Variants in ROBO2 observed in about 807,000 individuals in gnomAD.
ROBO2 encodes roundabout guidance receptor 2.
Under a neutral mutation model 160.8 loss-of-function variants are expected in ROBO2, and 53 were observed. The ratio of observed to expected loss-of-function variants is 0.33; its 90% CI spans 0.26 to 0.41. The LOEUF (loss-of-function observed/expected upper bound fraction) is 0.41. ROBO2 is among the 10% of genes least tolerant of loss of function. The pLI, the probability that ROBO2 is intolerant of heterozygous loss-of-function variation, is 1.00. For missense variants in ROBO2, 1,577 were observed against 1,722.4 expected, an observed-to-expected ratio of 0.92 and a Z score of 1.49; for synonymous variants, 664 against 611.7, an observed-to-expected ratio of 1.09 and a Z score of -1.26.
chr3:77,142,570 T>C (rs369708778), intron 2 of ROBO2, among the ~76,000 whole-genome samples: 65 of 152,198 alleles, frequency 4.3e-4, no homozygotes, highest in African/African-American at 1.4e-3. Flanking sequence ...TATTGGAGCC[T>C]GTTGCTTATA....
chr3:76,888,500 C>T (rs1040290096), intron 2 of ROBO2, among the ~76,000 whole-genome samples: 3 of 151,998 alleles, frequency 2.0e-5, no homozygotes, highest in Non-Finnish European at 4.4e-5. Flanking sequence ...ATATTGTACC[C>T]GTAATAGGCA....
At chr3:77,081,455 C>A (rs940681120) in intron 1 of ROBO2, among the ~76,000 whole-genome samples, 1 of 152,280 alleles carries the variant, frequency 6.6e-6, no homozygotes, top group African/African-American at 2.4e-5. Context: ...GTATTCATAA[C>A]CATCAGGCAA....
chr3:76,601,738 A>G (rs2108952693), intron 2 of ROBO2, among the ~76,000 whole-genome samples: 1 of 152,310 alleles, frequency 6.6e-6, no homozygotes, highest in African/African-American at 2.4e-5. Context: ...CATGCCCTGG[A>G]GCCATTTTCC....
intron 2 of ROBO2, among the ~76,000 whole-genome samples, chr3:76,297,847 G>T (rs1226677887): frequency 1.3e-5 from 2 of 151,964 alleles, no homozygotes; most frequent in Non-Finnish European, 2.9e-5. Context: ...TAGTGCTCTA[G>T]TTTCTCTGTG....
intron 2 of ROBO2, among the ~76,000 whole-genome samples, chr3:76,252,209 G>A (rs1460413808): frequency 1.3e-5 from 2 of 152,044 alleles, no homozygotes; most frequent in Admixed American, 6.6e-5. Context: ...TTTGTATAGT[G>A]AATATGAATG....
chr3:76,422,020 G>A (rs185543765), intron 2 of ROBO2, among the ~76,000 whole-genome samples: 2 of 152,170 alleles, frequency 1.3e-5, no homozygotes, highest in East Asian at 1.9e-4. Flanking sequence ...TAAATCGTAG[G>A]TTCTTAGTAA....
intron 2 of ROBO2, among the ~76,000 whole-genome samples, chr3:77,367,039 T>C (rs1350505552): frequency 6.6e-6 from 1 of 152,140 alleles, no homozygotes; most frequent in African/African-American, 2.4e-5. Flanking sequence ...CATTGCACTG[T>C]AAGTTGTATT....
At chr3:76,469,920 C>T (rs2078566581) in intron 2 of ROBO2, among the ~76,000 whole-genome samples, 1 of 152,042 alleles carries the variant, frequency 6.6e-6, no homozygotes, top group Non-Finnish European at 1.5e-5. Flanking sequence ...TATCAGGATT[C>T]AATACACATC....
chr3:76,949,677 A>G lies in ROBO2; in HGVS notation c.110-148337A>G, dbSNP rs369632226. 2.2e-4 allele frequency among the ~76,000 whole-genome samples: 33 copies of G among 152,290 alleles called. No homozygotes were observed. The East Asian group carries it at 6.4e-3, about 29-fold the overall frequency. On this transcript the variant is annotated intron_variant, in intron 2 of 26. Coordinates refer to the ROBO2 transcript ENST00000487694. Reference sequence around the variant, plus strand: ...GAATCACTCACAGGTCCTGATTGTAATGGAACGAGCTTGTTTACCTCATGG... The same window carrying G: ...GAATCACTCACAGGTCCTGATTGTAGTGGAACGAGCTTGTTTACCTCATGG...
intron 2 of ROBO2, among the ~76,000 whole-genome samples, chr3:76,855,578 C>A (rs888076867): frequency 1.3e-5 from 2 of 152,196 alleles, no homozygotes; most frequent in South Asian, 4.1e-4. Context: ...TTTCTTTTAG[C>A]TTATGTTAAT....
At chr3:76,181,329 C>A (rs1375073750) in intron 2 of ROBO2, among the ~76,000 whole-genome samples, 11 of 151,964 alleles carry the variant, frequency 7.2e-5, no homozygotes, top group Admixed American at 7.2e-4. Flanking sequence ...TATTTAATTT[C>A]AATTGTAATT....
intron 4 of ROBO2, among the ~76,000 whole-genome samples, chr3:77,482,224 G>A (rs1387486781): frequency 6.6e-6 from 1 of 152,028 alleles, no homozygotes; most frequent in African/African-American, 2.4e-5. Flanking sequence ...TTTTTCAGTA[G>A]CGGTAAAATA....
rs555969300 is a variant in ROBO2, at chr3:75,982,963, C to G, written c.109+45361C>G. ...ATGGAAATGTTTTCCAATTTTAAAT[C>G]AGATACTCGACTAGCACTCGCAATG... On this transcript the variant is annotated intron_variant, in intron 2 of 26. Coordinates refer to the ROBO2 transcript ENST00000487694. Among the ~76,000 whole-genome samples, 133 of 151,562 alleles carry G rather than the reference C, an allele frequency of 8.8e-4. 1 individual carries two copies. Among genetic ancestry groups the G allele is most frequent in the African/African-American group, 3.1e-3 (127 of 41,478 alleles).
At chr3:76,107,614 T>A (rs2070004439) in intron 2 of ROBO2, among the ~76,000 whole-genome samples, 5 of 152,056 alleles carry the variant, frequency 3.3e-5, no homozygotes, top group African/African-American at 1.2e-4. Flanking sequence ...GTTTGAGTTG[T>A]GTTGGAAAAG....
intron 1 of ROBO2, among the ~76,000 whole-genome samples, chr3:75,912,479 G>T (rs1318018841): frequency 2.0e-5 from 3 of 152,298 alleles, no homozygotes; most frequent in African/African-American, 7.2e-5. Context: ...TTTTGATTCA[G>T]TTGGTGGAAG....
chr3:77,615,680 G>T (rs2094757326), intron 21 of ROBO2, among the ~76,000 whole-genome samples: 4 of 152,006 alleles, frequency 2.6e-5, no homozygotes. Flanking sequence ...TTTCTTTTTA[G>T]CAACGAATAA....
chr3:76,540,043 A>C (rs1484877619), intron 2 of ROBO2, among the ~76,000 whole-genome samples: 1 of 152,238 alleles, frequency 6.6e-6, no homozygotes, highest in African/African-American at 2.4e-5. Flanking sequence ...CCAAGAATGC[A>C]GCATAACCTT....
chr3:77,163,549 G>A (rs1044049273), intron 2 of ROBO2, among the ~76,000 whole-genome samples: 2 of 152,140 alleles, frequency 1.3e-5, no homozygotes, highest in Non-Finnish European at 2.9e-5. Flanking sequence ...ATAATTGCTG[G>A]CATCAATTTA....
intron 2 of ROBO2, among the ~76,000 whole-genome samples, chr3:76,504,896 T>A (rs2080712328): frequency 6.6e-6 from 1 of 152,126 alleles, no homozygotes; most frequent in Non-Finnish European, 1.5e-5. Flanking sequence ...TTGATGATAG[T>A]CTTCATTTTG....
Sources: gnomAD v4.1 joint callset for allele counts (sites outside exome capture counted in the v4.1 genomes callset) on GRCh38, gnomAD v4.1.1 for gene constraint, MANE v1.5 for transcripts, NCBI Gene and HGNC (gene_info 2026-07-23, HGNC 2026-07-21) for gene names.